Variants in ATP9B observed in about 807,000 individuals in gnomAD.
The protein encoded by ATP9B is probable phospholipid-transporting ATPase IIB.
ATP9B carries 110 observed loss-of-function variants against 146.1 expected under a neutral mutation model. The ratio of observed to expected loss-of-function variants is 0.75; its 90% CI spans 0.65 to 0.88. ATP9B has a LOEUF of 0.88. Among genes scored for constraint, ATP9B ranks in the 40% least tolerant of loss-of-function variants. ATP9B has a pLI of 0.00. For synonymous variants in ATP9B, 604 were observed against 569.7 expected, an observed-to-expected ratio of 1.06 and a Z score of -0.86; for missense variants, 1,499 against 1,496.4, an observed-to-expected ratio of 1.00 and a Z score of -0.03.
intron 15 of ATP9B, among the ~76,000 whole-genome samples, chr18:79,309,610 C>T (rs369587897): frequency 1.5e-3 from 157 of 102,192 alleles, no homozygotes; most frequent in Middle Eastern, 6.7e-3. Context: ...AGGTCAGGGG[C>T]TGAGGAGTGA....
intron 9 of ATP9B, among the ~76,000 whole-genome samples, chr18:79,200,588 T>C (rs1391833925): frequency 6.7e-6 from 1 of 149,802 alleles, no homozygotes; most frequent in Non-Finnish European, 1.5e-5. Context: ...TCATAAAATA[T>C]GCTCTCTGAC....
rs2096194391 is a variant in ATP9B at position 79,265,561 on chromosome 18, G to A, written c.1269-11493G>A. 3.3e-5 allele frequency among the ~76,000 whole-genome samples: 5 copies of A among 152,084 alleles called. No individual in the cohort carries two copies. The South Asian group carries it at 8.3e-4, about 25-fold the overall frequency. ...TTGTTAGTTTTTTTCTTGTAAATTT[G>A]TTTAAGTCCCGTTTAGGTGCTGGAT... On this transcript the variant is annotated intron_variant, in intron 12 of 29. Coordinates refer to ENST00000426216, the MANE Select transcript of ATP9B (RefSeq NM_198531.5).
At chr18:79,084,879 A>G (rs1177189424) in intron 1 of ATP9B, among the ~76,000 whole-genome samples, 1 of 152,098 alleles carries the variant, frequency 6.6e-6, no homozygotes, top group African/African-American at 2.4e-5. Context: ...TTGTATAAAA[A>G]TTTTCATGAC....
chr18:79,323,217 C>T (rs574198779), intron 15 of ATP9B, among the ~76,000 whole-genome samples: 2 of 152,030 alleles, frequency 1.3e-5, no homozygotes, highest in South Asian at 2.1e-4. Context: ...ATCGTTGCTT[C>T]GCGTTAGTAA....
At chr18:79,242,202 T>C (rs1477396276) in intron 11 of ATP9B, among the ~76,000 whole-genome samples, 1 of 152,264 alleles carries the variant, frequency 6.6e-6, no homozygotes, top group Admixed American at 6.5e-5. Flanking sequence ...CTGTTTAGGC[T>C]GGCAAGATTG....
chr18:79,108,236 T>C (rs1255722764), intron 2 of ATP9B, among the ~76,000 whole-genome samples: 1 of 152,178 alleles, frequency 6.6e-6, no homozygotes, highest in Non-Finnish European at 1.5e-5. Flanking sequence ...AGATGGACAG[T>C]ACAAGCAAGA....
chr18:79,347,713 G>A, intron 23 of ATP9B, 57 bp from the exon 24 acceptor site: 1 of 1,479,046 alleles, frequency 6.8e-7, no homozygotes, highest in Non-Finnish European at 9.0e-7. Flanking sequence ...CTCACTTTTG[G>A]AGTCTGATTT....
chr18:79,070,691 CA>C (rs2071624085), intron 1 of ATP9B, among the ~76,000 whole-genome samples: 1 of 151,452 alleles, frequency 6.6e-6, no homozygotes. Context: ...GAAGCACTGT[CA>C]TGTGGTGCAC....
At chr18:79,142,642 T>C (rs2094528255) in intron 5 of ATP9B, among the ~76,000 whole-genome samples, 1 of 152,198 alleles carries the variant, frequency 6.6e-6, no homozygotes, top group South Asian at 2.1e-4. Flanking sequence ...ATTTTAAAGC[T>C]CAGTTAAGAT....
At position 79,193,166 on chromosome 18, in the gene ATP9B, A is replaced by G. The variant is rs780667303; in HGVS notation, c.874-17A>G. ...AAACTATAACATTCTAATCGATTCAAATGTTCTGTATTCCAGGACCTTTTT... is the reference window on the plus strand; with the variant it reads ...AAACTATAACATTCTAATCGATTCAGATGTTCTGTATTCCAGGACCTTTTT... On this transcript the variant is annotated splice_polypyrimidine_tract_variant and intron_variant, in intron 8 of 29. Coordinates refer to ENST00000426216, the MANE Select transcript of ATP9B (RefSeq NM_198531.5). The G allele has an allele frequency of 2.0e-5, 31 of 1,551,172 alleles. No individual in the cohort carries two copies. The African/African-American group carries it at 3.8e-4, about 19-fold the overall frequency.
intron 6 of ATP9B, among the ~76,000 whole-genome samples, chr18:79,153,796 A>G (rs537384214): frequency 1.3e-5 from 2 of 151,838 alleles, no homozygotes; most frequent in South Asian, 4.2e-4. Context: ...GACCACAGGC[A>G]TGCCACCACA....
chr18:79,089,717 C>G (rs548553323), intron 1 of ATP9B, among the ~76,000 whole-genome samples: 1 of 152,274 alleles, frequency 6.6e-6, no homozygotes, highest in African/African-American at 2.4e-5. Context: ...ATGATGGAAT[C>G]GGGTAATTGG....
chr18:79,191,702 G>A (rs1265217058), intron 8 of ATP9B, among the ~76,000 whole-genome samples: 1 of 152,080 alleles, frequency 6.6e-6, no homozygotes, highest in East Asian at 1.9e-4. Context: ...TTTCCTACTT[G>A]CTTACTCGTT....
chr18:79,117,111 A>C (rs1227682283), intron 4 of ATP9B: 2 of 152,170 alleles, frequency 1.3e-5, no homozygotes, highest in Non-Finnish European at 2.9e-5. Flanking sequence ...AGTGTTTAAT[A>C]ACATAAAAGT....
intron 13 of ATP9B, among the ~76,000 whole-genome samples, chr18:79,300,346 A>G (rs1289487477): frequency 6.6e-6 from 1 of 152,080 alleles, no homozygotes; most frequent in Non-Finnish European, 1.5e-5. Flanking sequence ...CCCTCGTGTC[A>G]TCCTTGGACC....
At chr18:79,088,911 A>G (rs1250298349) in intron 1 of ATP9B, among the ~76,000 whole-genome samples, 1 of 152,240 alleles carries the variant, frequency 6.6e-6, no homozygotes, top group Admixed American at 6.5e-5. Context: ...CTTTCAATGC[A>G]TCGTCACAAA....
chr18:79,312,123 A>AGGTGCCTTCACAG (rs2096656000), intron 15 of ATP9B, among the ~76,000 whole-genome samples: 5 of 152,208 alleles, frequency 3.3e-5, no homozygotes, highest in South Asian at 2.1e-4. Context: ...TGCCTTCACA[A>AGGTGCCTTCACAG]AGGTGCCTTC....
intron 1 of ATP9B, among the ~76,000 whole-genome samples, chr18:79,088,820 G>A (rs1025827975): frequency 3.9e-5 from 6 of 152,134 alleles, no homozygotes; most frequent in African/African-American, 1.4e-4. Flanking sequence ...TCTTTGTAGA[G>A]AAATCTTGAA....
intron 17 of ATP9B, among the ~76,000 whole-genome samples, chr18:79,334,790 C>A (rs549318970): frequency 6.6e-5 from 10 of 151,900 alleles, no homozygotes; most frequent in African/African-American, 1.7e-4. Context: ...CCCACCCCCC[C>A]CTTGTGCCGG....
Sources: gnomAD v4.1 joint callset for allele counts (sites outside exome capture counted in the v4.1 genomes callset) on GRCh38, gnomAD v4.1.1 for gene constraint, MANE v1.5 for transcripts, NCBI Gene and HGNC (gene_info 2026-07-23, HGNC 2026-07-21) for gene names.